ENTPD1: variants seen among roughly 807,000 people sequenced by gnomAD.
ENTPD1 encodes ectonucleoside triphosphate diphosphohydrolase 1, also known as ATP diphosphohydrolase.
Under a neutral mutation model 57.0 loss-of-function variants are expected in ENTPD1, and 33 were observed. The observed-to-expected ratio is 0.58, with a 90% CI of 0.44 to 0.77. ENTPD1 has a LOEUF of 0.77. Ranked by LOEUF, ENTPD1 falls within the 30% of genes least tolerant of loss-of-function variation. The pLI, the probability that ENTPD1 is intolerant of heterozygous loss-of-function variation, is 0.00. For missense variants in ENTPD1, 501 were observed against 603.4 expected (o/e 0.83, Z 1.78); for synonymous variants, 202 against 218.8 (o/e 0.92, Z 0.68).
At chr10:95,775,166 C>A (rs553129000) in intron 1 of ENTPD1, among the ~76,000 whole-genome samples, 2 of 152,270 alleles carry the variant, frequency 1.3e-5, no homozygotes, top group South Asian at 4.2e-4. Context: ...GTGATTTTCG[C>A]ATATTAATTT....
At chr10:95,731,929 C>T (rs1399567233) in intron 1 of ENTPD1, among the ~76,000 whole-genome samples, 10 of 151,674 alleles carry the variant, frequency 6.6e-5, no homozygotes, top group Non-Finnish European at 1.3e-4. Context: ...ATTACAGGCA[C>T]CTGCTACCAC....
intron 1 of ENTPD1, among the ~76,000 whole-genome samples, chr10:95,780,845 A>T (rs1300551943): frequency 6.6e-6 from 1 of 152,154 alleles, no homozygotes; most frequent in Non-Finnish European, 1.5e-5. Context: ...CTGAATTCAG[A>T]CCTTATGTGA....
chr10:95,833,328 G>A (rs2098401893), intron 2 of ENTPD1, among the ~76,000 whole-genome samples: 1 of 152,154 alleles, frequency 6.6e-6, no homozygotes, highest in Non-Finnish European at 1.5e-5. Context: ...CAGAACTGTG[G>A]TTTGTATTAA....
At chr10:95,836,374 G>A (rs544544302) in intron 2 of ENTPD1, among the ~76,000 whole-genome samples, 19 of 151,846 alleles carry the variant, frequency 1.3e-4, no homozygotes, top group African/African-American at 3.6e-4. Flanking sequence ...GCAATACGAC[G>A]CATTCAAAAA....
chr10:95,762,010 T>A (rs2140004241), intron 1 of ENTPD1, among the ~76,000 whole-genome samples: 1 of 152,204 alleles, frequency 6.6e-6, no homozygotes, highest in Admixed American at 6.5e-5. Context: ...GCTTGAAAAC[T>A]TGAGGGGGTT....
chr10:95,805,525 C>T (rs572573555), intron 1 of ENTPD1, among the ~76,000 whole-genome samples: 9 of 152,212 alleles, frequency 5.9e-5, no homozygotes, highest in Non-Finnish European at 7.4e-5. Context: ...GAATTTGATC[C>T]TGTCATTATG....
intron 1 of ENTPD1, among the ~76,000 whole-genome samples, chr10:95,718,882 T>C (rs1162954900): frequency 6.6e-6 from 1 of 152,264 alleles, no homozygotes; most frequent in Non-Finnish European, 1.5e-5. Flanking sequence ...AATCACCTGT[T>C]GACAGTTATG....
chr10:95,871,556 C>A lies in ENTPD1; in HGVS notation c.*5173C>A. On this transcript the variant is annotated 3_prime_UTR_variant, in exon 10 of 10. Transcript: ENST00000371205. Reference sequence around the variant, plus strand: ...CAACTGAACACAATCAGTTTTATCACAGGTATAATGGATTTTTCAATAGTG... The same window carrying A: ...CAACTGAACACAATCAGTTTTATCAAAGGTATAATGGATTTTTCAATAGTG... 1.0e-6 allele frequency: 1 copy of A among 985,402 alleles called. No homozygotes were observed. Among genetic ancestry groups the A allele is most frequent in the Non-Finnish European group, 1.2e-6 (1 of 829,922 alleles). The allele number at this position is 985,402 out of a possible 1,614,324, so 61.0% of individuals were successfully genotyped here.
At chr10:95,811,379 A>G (rs956515097) in intron 1 of ENTPD1, among the ~76,000 whole-genome samples, 2 of 152,132 alleles carry the variant, frequency 1.3e-5, no homozygotes, top group Admixed American at 1.3e-4. Context: ...TATGTACCCA[A>G]TGTTCACCTT....
chr10:95,864,685 T>A (rs367831125), intron 8 of ENTPD1, 39 bp from the exon 9 acceptor site: 3 of 1,612,610 alleles, frequency 1.9e-6, no homozygotes, highest in Non-Finnish European at 2.5e-6. Context: ...GAGAGGTGCC[T>A]ATCATACGAG....
At position 95,845,456 on chromosome 10, in the gene ENTPD1, C is replaced by A. The variant is rs753158780; in HGVS notation, c.673C>A (p.Pro225Thr). ...GGASTQVTFV[P>T]QNQTIESPDN... ...AGCCTCTACACAAGTCACTTTTGTA[C>A]CCCAAAACCAGACTATCGAGTCCCC... Residue 225 changes from proline to threonine, a missense_variant, in exon 6 of 10, where the codon CCC becomes ACC. By Grantham distance (38) the Pro-to-Thr change is conservative. Transcript: ENST00000371205. 6.2e-7 allele frequency: 1 copy of A among 1,614,190 alleles called. No individual in the cohort carries two copies. The highest frequency in any genetic ancestry group is 8.5e-7 in the Non-Finnish European group (1 of 1,180,044).
At chr10:95,804,155 C>T (rs1040234134) in intron 1 of ENTPD1, among the ~76,000 whole-genome samples, 3 of 152,106 alleles carry the variant, frequency 2.0e-5, no homozygotes, top group Non-Finnish European at 4.4e-5. Flanking sequence ...CAGCTTTGTT[C>T]TTCTTGCTTA....
intron 1 of ENTPD1, among the ~76,000 whole-genome samples, chr10:95,813,458 C>T (rs1047788627): frequency 1.4e-4 from 22 of 152,132 alleles, no homozygotes; most frequent in African/African-American, 5.3e-4. Flanking sequence ...TGGCCAGAAC[C>T]ACCCCATAGT....
At chr10:95,739,536 A>G (rs191408536) in intron 1 of ENTPD1, among the ~76,000 whole-genome samples, 1 of 152,316 alleles carries the variant, frequency 6.6e-6, no homozygotes, top group African/African-American at 2.4e-5. Context: ...CTCCATTTGT[A>G]TCATGAGATG....
At chr10:95,719,576 C>T (rs2097975272) in intron 1 of ENTPD1, among the ~76,000 whole-genome samples, 1 of 152,178 alleles carries the variant, frequency 6.6e-6, no homozygotes, top group South Asian at 2.1e-4. Flanking sequence ...TTTAGCCCTA[C>T]GTATTTAACC....
upstream of ENTPD1, among the ~76,000 whole-genome samples, chr10:95,710,082 G>A (rs995936317): frequency 6.7e-6 from 1 of 148,980 alleles, no homozygotes; most frequent in African/African-American, 2.5e-5. Flanking sequence ...CCCCCAAGAC[G>A]TAATTTTAAA....
Position 95,871,486 on chromosome 10 carries a change from TGTATA to T in ENTPD1, c.*5105_*5109del, listed in dbSNP as rs761680170. The T allele has an allele frequency of 1.7e-3, 1,682 of 985,342 alleles. 2 individuals are homozygous for T. Among genetic ancestry groups the T allele is most frequent in the Non-Finnish European group, 1.9e-3 (1,604 of 829,840 alleles). The allele number at this position is 985,342 out of a possible 1,614,324, so 61.0% of individuals were successfully genotyped here. On this transcript the variant is annotated 3_prime_UTR_variant, in exon 10 of 10. Coordinates refer to ENST00000371205, the MANE Select transcript of ENTPD1 (RefSeq NM_001776.6). ...TTCTTATTTTATACGTTTAGGACAA[TGTATA>T]GCTAATTACCCAACTTTTTATTTGC...
chr10:95,779,980 G>A (rs11188484), intron 1 of ENTPD1, among the ~76,000 whole-genome samples: 40,959 of 151,902 alleles, frequency 0.27, 6,343 homozygotes, highest in Admixed American at 0.38. Context: ...CAACTAGGAG[G>A]GCCAGAGGTG....
chr10:95,727,996 C>T (rs544242974), intron 1 of ENTPD1, among the ~76,000 whole-genome samples: 4 of 152,112 alleles, frequency 2.6e-5, no homozygotes, highest in African/African-American at 9.6e-5. Context: ...TTTTTAAATC[C>T]TAAGACAACT....
Sources: allele counts gnomAD v4.1 joint callset (sites outside exome capture counted in the v4.1 genomes callset), GRCh38; gene constraint gnomAD v4.1.1; transcripts MANE v1.5; gene names NCBI Gene and HGNC (gene_info 2026-07-23, HGNC 2026-07-21).